The following SPOCK1 variants were observed in gnomAD, a reference collection of about 807,000 sequenced individuals.
SPOCK1 encodes SPARC (osteonectin), cwcv and kazal like domains proteoglycan 1.
A neutral mutation model predicts 55.3 loss-of-function variants in SPOCK1; 23 were observed. The ratio of observed to expected loss-of-function variants is 0.42; its 90% CI spans 0.30 to 0.59. The LOEUF is 0.59. Ranked by LOEUF, SPOCK1 falls within the 20% of genes least tolerant of loss-of-function variation. SPOCK1 has a pLI of 0.22. For synonymous variants in SPOCK1, 226 were observed against 221.0 expected (o/e 1.02, Z -0.20); for missense variants, 499 against 552.5 (o/e 0.90, Z 0.97).
At chr5:137,020,097 A>C (rs1437564693) in intron 6 of SPOCK1, among the ~76,000 whole-genome samples, 1 of 151,836 alleles carries the variant, frequency 6.6e-6, no homozygotes, top group Non-Finnish European at 1.5e-5. Flanking sequence ...TAGGAAAAAG[A>C]ATCCAAAATT....
At chr5:137,164,840 AG>A (rs1012660079) in intron 3 of SPOCK1, among the ~76,000 whole-genome samples, 2 of 152,190 alleles carry the variant, frequency 1.3e-5, no homozygotes, top group Admixed American at 1.3e-4. Flanking sequence ...ACCTTTGGAA[AG>A]GGGAGGGAAG....
chr5:137,078,818 C>T (rs1412194051), intron 5 of SPOCK1, among the ~76,000 whole-genome samples: 1 of 152,194 alleles, frequency 6.6e-6, no homozygotes, highest in East Asian at 1.9e-4. Flanking sequence ...CTTCTCCATG[C>T]CGGACTGATC....
chr5:137,220,141 A>T (rs1202322221), intron 3 of SPOCK1, among the ~76,000 whole-genome samples: 1 of 152,168 alleles, frequency 6.6e-6, no homozygotes, highest in Non-Finnish European at 1.5e-5. Context: ...CATGTTTCAG[A>T]GGGAGGAAGA....
At chr5:137,286,218 T>C (rs1037618761) in intron 2 of SPOCK1, among the ~76,000 whole-genome samples, 3 of 152,206 alleles carry the variant, frequency 2.0e-5, no homozygotes, top group African/African-American at 7.2e-5. Context: ...TCTAGGTCCA[T>C]TCGTTTTTAA....
At chr5:137,290,867 G>A (rs1757357900) in intron 2 of SPOCK1, among the ~76,000 whole-genome samples, 1 of 152,192 alleles carries the variant, frequency 6.6e-6, no homozygotes, top group African/African-American at 2.4e-5. Flanking sequence ...AAGCCAGAAA[G>A]GCACAAGGGA....
chr5:137,325,917 G>C (rs553790796), intron 2 of SPOCK1, among the ~76,000 whole-genome samples: 1 of 152,282 alleles, frequency 6.6e-6, no homozygotes, highest in African/African-American at 2.4e-5. Context: ...AGGAAACAGC[G>C]AGTGCAAAGG....
intron 6 of SPOCK1, among the ~76,000 whole-genome samples, chr5:137,052,087 T>C (rs1241916490): frequency 6.6e-6 from 1 of 152,136 alleles, no homozygotes. Flanking sequence ...CTTCAATTTT[T>C]CCCACTGACT....
At chr5:137,477,900 C>G (rs1478146352) in intron 2 of SPOCK1, among the ~76,000 whole-genome samples, 1 of 152,168 alleles carries the variant, frequency 6.6e-6, no homozygotes, top group African/African-American at 2.4e-5. Context: ...TGGTTTCTGT[C>G]AACTTGCTGG....
intron 4 of SPOCK1, among the ~76,000 whole-genome samples, chr5:137,113,405 C>G (rs1367091917): frequency 6.6e-6 from 1 of 152,146 alleles, no homozygotes; most frequent in Non-Finnish European, 1.5e-5. Flanking sequence ...GAAGGCTACC[C>G]GTCTCTGGAT....
At position 137,113,405 on chromosome 5, in the gene SPOCK1, C is replaced by T. The variant is rs1367091917; in HGVS notation, c.348-844G>A. ...GGCTGAGTTCTGGTTGAAGGCTACC[C>T]GTCTCTGGATAGCCCATCAATCAGG... On this transcript the variant is annotated intron_variant, in intron 4 of 10. Coordinates refer to ENST00000394945, the MANE Select transcript of SPOCK1 (RefSeq NM_004598.4). 5.3e-5 allele frequency among the ~76,000 whole-genome samples: 8 copies of T among 152,264 alleles called. No homozygotes were observed. In the East Asian group the frequency reaches 7.8e-4, roughly 15 times the overall value.
At chr5:137,473,515 G>T (rs898630576) in intron 2 of SPOCK1, among the ~76,000 whole-genome samples, 11 of 152,214 alleles carry the variant, frequency 7.2e-5, no homozygotes, top group African/African-American at 2.7e-4. Context: ...GGGAAGGACA[G>T]TAGCAGGGAG....
At chr5:137,079,948 A>G (rs200123873) in intron 5 of SPOCK1, among the ~76,000 whole-genome samples, 1 of 103,916 alleles carries the variant, frequency 9.6e-6, no homozygotes, top group Non-Finnish European at 2.0e-5. Context: ...CTAATATTTT[A>G]TAATTTAGCT....
intron 3 of SPOCK1, among the ~76,000 whole-genome samples, chr5:137,187,795 C>G (rs1336402689): frequency 6.6e-6 from 1 of 152,160 alleles, no homozygotes; most frequent in Non-Finnish European, 1.5e-5. Flanking sequence ...AATGATAAAG[C>G]TGTTCAGGTC....
At position 137,264,887 on chromosome 5, in the gene SPOCK1, G is replaced by T. The variant is rs369759135; in HGVS notation, c.232+2123C>A. 1.3e-4 allele frequency among the ~76,000 whole-genome samples: 20 copies of T among 152,296 alleles called. No homozygotes were observed. The South Asian group carries it at 3.7e-3, about 28-fold the overall frequency. On this transcript the variant is annotated intron_variant, in intron 3 of 10. Transcript: ENST00000394945. ...CTCAGCTCTGCCTGTGCTCCTCATG[G>T]TTCTGTATATAAATAGCCAACGGCA...
intron 4 of SPOCK1, among the ~76,000 whole-genome samples, chr5:137,124,112 C>A (rs539155320): frequency 6.6e-6 from 1 of 152,108 alleles, no homozygotes; most frequent in African/African-American, 2.4e-5. Flanking sequence ...CAACTTTCCA[C>A]GTACCACAAG....
intron 5 of SPOCK1, among the ~76,000 whole-genome samples, chr5:137,095,668 C>T (rs558653723): frequency 9.2e-5 from 14 of 152,318 alleles, no homozygotes; most frequent in African/African-American, 3.4e-4. Flanking sequence ...CCTATGACAG[C>T]CAGGCTGGCA....
chr5:137,296,371 C>G (rs1757479723), intron 2 of SPOCK1, among the ~76,000 whole-genome samples: 1 of 152,144 alleles, frequency 6.6e-6, no homozygotes, highest in African/African-American at 2.4e-5. Context: ...ACTCAGGACT[C>G]AGGTTGCATT....
chr5:137,120,818 G>T (rs552296870), intron 4 of SPOCK1, among the ~76,000 whole-genome samples: 9 of 152,262 alleles, frequency 5.9e-5, no homozygotes, highest in African/African-American at 2.2e-4. Flanking sequence ...ACACCTGCCC[G>T]CCAGTCTCGC....
chr5:137,121,653 T>C (rs1361488519), intron 4 of SPOCK1, among the ~76,000 whole-genome samples: 1 of 146,698 alleles, frequency 6.8e-6, no homozygotes, highest in African/African-American at 2.5e-5. Context: ...TGACATTAAT[T>C]ATATATAATA....
Sources: allele counts gnomAD v4.1 joint callset (sites outside exome capture counted in the v4.1 genomes callset), GRCh38; gene constraint gnomAD v4.1.1; transcripts MANE v1.5; gene names NCBI Gene and HGNC (gene_info 2026-07-23, HGNC 2026-07-21).